Variants in AFF3 observed in about 807,000 individuals in gnomAD.
The protein encoded by AFF3 is ALF transcription elongation factor 3.
AFF3 carries 32 observed loss-of-function variants against 129.7 expected under a neutral mutation model. That is an observed-to-expected ratio of 0.25 (90% CI 0.19 to 0.33). The LOEUF (loss-of-function observed/expected upper bound fraction) is 0.33. AFF3 is among the 10% of genes least tolerant of loss of function. The probability of loss-of-function intolerance (pLI) is 1.00; values close to 1 mark genes in which losing one functional copy is unlikely to be tolerated. For missense variants in AFF3, 1,373 were observed against 1,592.0 expected, an observed-to-expected ratio of 0.86 and a Z score of 2.34; for synonymous variants, 644 against 635.4, an observed-to-expected ratio of 1.01 and a Z score of -0.20.
intron 7 of AFF3, among the ~76,000 whole-genome samples, chr2:99,919,301 T>C (rs561600769): frequency 6.6e-6 from 1 of 152,254 alleles, no homozygotes; most frequent in East Asian, 1.9e-4. Context: ...AAACTAGATA[T>C]ATAATTTTCA....
chr2:99,568,381 T>G (rs1676167944), intron 19 of AFF3, among the ~76,000 whole-genome samples: 1 of 152,226 alleles, frequency 6.6e-6, no homozygotes, highest in East Asian at 1.9e-4. Flanking sequence ...TCATGGTGAC[T>G]TTAGAGTCTT....
intron 12 of AFF3, among the ~76,000 whole-genome samples, chr2:99,670,622 T>C (rs1246381266): frequency 6.6e-6 from 1 of 152,144 alleles, no homozygotes; most frequent in Non-Finnish European, 1.5e-5. Context: ...AAAAATACCA[T>C]ATCATTAGTC....
chr2:99,814,725 A>G (rs538608340), intron 8 of AFF3, among the ~76,000 whole-genome samples: 7 of 152,248 alleles, frequency 4.6e-5, no homozygotes, highest in African/African-American at 1.7e-4. Flanking sequence ...GCAGTGGAAG[A>G]GAGAAGGGGC....
chr2:99,917,213 C>G (rs990620604), intron 7 of AFF3, among the ~76,000 whole-genome samples: 1 of 152,162 alleles, frequency 6.6e-6, no homozygotes, highest in African/African-American at 2.4e-5. Flanking sequence ...ACCCTTTGGC[C>G]TGAAGGGCCA....
At chr2:100,106,891 G>A (rs926754261) in intron 2 of AFF3, 1 of 985,412 alleles carries the variant, frequency 1.0e-6, no homozygotes. Context: ...AAGGCCCTGG[G>A]ATGGTATAGA....
At chr2:99,631,660 G>A (rs1012702897) in intron 13 of AFF3, among the ~76,000 whole-genome samples, 9 of 152,306 alleles carry the variant, frequency 5.9e-5, no homozygotes, top group East Asian at 3.9e-4. Context: ...AGATTCATCC[G>A]TGTTGCAGCA....
intron 8 of AFF3, among the ~76,000 whole-genome samples, chr2:99,793,221 A>G (rs1191215985): frequency 6.6e-6 from 1 of 152,134 alleles, no homozygotes; most frequent in Non-Finnish European, 1.5e-5. Flanking sequence ...CTTTTTCTCC[A>G]GCTCCCTCTC....
chr2:99,792,406 A>G (rs571587870), intron 8 of AFF3, among the ~76,000 whole-genome samples: 2 of 152,294 alleles, frequency 1.3e-5, no homozygotes, highest in African/African-American at 4.8e-5. Context: ...CAGGAGATTG[A>G]GGTTACAGTG....
chr2:99,983,468 ATTG>A (rs1458408466), intron 7 of AFF3, among the ~76,000 whole-genome samples: 2 of 152,144 alleles, frequency 1.3e-5, no homozygotes, highest in East Asian at 3.9e-4. Flanking sequence ...TATTATAATT[ATTG>A]TTATTAATAT....
In AFF3 at chr2:99,652,392, C is replaced by A. The variant is rs370731944; in HGVS notation, c.1144-2726G>T. Among the ~76,000 whole-genome samples, 29 of 152,186 alleles carry A rather than the reference C, an allele frequency of 1.9e-4. No individual in the cohort carries two copies. In the East Asian group the frequency reaches 5.0e-3, roughly 26 times the overall value. Reference sequence around the variant, plus strand: ...GTCTGGGGCCAGGGATACTAAAGCCCTTCAAAGAGCAGGAAGGTCCCTTGT... The same window carrying A: ...GTCTGGGGCCAGGGATACTAAAGCCATTCAAAGAGCAGGAAGGTCCCTTGT... On this transcript the variant is annotated intron_variant, in intron 12 of 24. Coordinates refer to ENST00000672756, the MANE Select transcript of AFF3 (RefSeq NM_001386135.1).
chr2:99,577,873 C>T (rs755721386), intron 18 of AFF3, among the ~76,000 whole-genome samples: 2 of 152,024 alleles, frequency 1.3e-5, no homozygotes, highest in Non-Finnish European at 2.9e-5. Flanking sequence ...ATTTTTCTTC[C>T]TATATAAGAA....
chr2:100,129,898 G>C (rs1367911074), intron 1 of AFF3, among the ~76,000 whole-genome samples: 2 of 152,202 alleles, frequency 1.3e-5, no homozygotes, highest in Non-Finnish European at 2.9e-5. Context: ...CCTGCAATGA[G>C]TGATGATTAA....
chr2:100,108,870 C>T (rs1691415386), intron 2 of AFF3, among the ~76,000 whole-genome samples: 1 of 150,270 alleles, frequency 6.7e-6, no homozygotes, highest in Non-Finnish European at 1.5e-5. Context: ...CATTCTACAC[C>T]CTGGGAATGA....
At chr2:99,958,724 T>C (rs1177684187) in intron 7 of AFF3, among the ~76,000 whole-genome samples, 1 of 151,916 alleles carries the variant, frequency 6.6e-6, no homozygotes, top group Non-Finnish European at 1.5e-5. Flanking sequence ...TTATGACCTA[T>C]GGGTGGAAAA....
At chr2:99,738,032 C>T (rs1397840514) in intron 10 of AFF3, among the ~76,000 whole-genome samples, 1 of 151,998 alleles carries the variant, frequency 6.6e-6, no homozygotes, top group African/African-American at 2.4e-5. Flanking sequence ...ATTTCCAATC[C>T]TCTCTTTTAT....
chr2:99,673,560 C>T (rs1278518674), intron 11 of AFF3, among the ~76,000 whole-genome samples: 1 of 152,200 alleles, frequency 6.6e-6, no homozygotes, highest in East Asian at 1.9e-4. Flanking sequence ...TGTATAAAAG[C>T]GTGCTCTCCA....
At chr2:99,603,926 T>C (rs1680083022) in intron 13 of AFF3, among the ~76,000 whole-genome samples, 1 of 152,204 alleles carries the variant, frequency 6.6e-6, no homozygotes, top group East Asian at 1.9e-4. Flanking sequence ...CACACTGAGA[T>C]ACCATCTCAC....
chr2:99,911,390 G>GA (rs34700536), intron 7 of AFF3, among the ~76,000 whole-genome samples: 493 of 128,154 alleles, frequency 3.8e-3, no homozygotes, highest in African/African-American at 6.5e-3. Context: ...TTCATCTCTG[G>GA]AAAAAAAAAA....
At chr2:99,773,166 C>T (rs574646661) in intron 8 of AFF3, among the ~76,000 whole-genome samples, 7 of 152,326 alleles carry the variant, frequency 4.6e-5, no homozygotes, top group South Asian at 4.1e-4. Context: ...GTTCCTTTCT[C>T]TAAATGTCTA....
Sources: allele counts gnomAD v4.1 joint callset (sites outside exome capture counted in the v4.1 genomes callset), GRCh38; gene constraint gnomAD v4.1.1; transcripts MANE v1.5; gene names NCBI Gene and HGNC (gene_info 2026-07-23, HGNC 2026-07-21).